SCAPER: variants seen among roughly 807,000 people sequenced by gnomAD.
SCAPER encodes the protein S phase cyclin A-associated protein in the endoplasmic reticulum.
SCAPER carries 98 observed loss-of-function variants against 182.2 expected under a neutral mutation model. That is an observed-to-expected ratio of 0.54 (90% CI 0.46 to 0.64). The LOEUF (loss-of-function observed/expected upper bound fraction) is 0.64. Ranked by LOEUF, SCAPER falls within the 30% of genes least tolerant of loss-of-function variation. SCAPER has a pLI of 0.00. For missense variants in SCAPER, 1,432 were observed against 1,690.0 expected (o/e 0.85, Z 2.68); for synonymous variants, 605 against 564.6 (o/e 1.07, Z -1.01).
chr15:76,671,109 G>A (rs2056982676), intron 20 of SCAPER, among the ~76,000 whole-genome samples: 1 of 152,068 alleles, frequency 6.6e-6, no homozygotes, highest in Non-Finnish European at 1.5e-5. Context: ...GGGAGGCAGA[G>A]GCGGGTGGAT....
At chr15:76,863,050 T>C (rs373241561) in intron 2 of SCAPER, among the ~76,000 whole-genome samples, 1 of 152,192 alleles carries the variant, frequency 6.6e-6, no homozygotes, top group Admixed American at 6.5e-5. Flanking sequence ...AAATTTAAAT[T>C]GCAATTTTTA....
chr15:76,880,852 C>T (rs4541044), intron 2 of SCAPER, among the ~76,000 whole-genome samples: 128,611 of 151,932 alleles, frequency 0.85, 54,649 homozygotes, highest in Middle Eastern at 0.91. Flanking sequence ...TTAAGAAAAA[C>T]GATTACCCAT....
chr15:76,568,330 T>G (rs2145268189), intron 23 of SCAPER, among the ~76,000 whole-genome samples: 1 of 152,040 alleles, frequency 6.6e-6, no homozygotes, highest in Non-Finnish European at 1.5e-5. Context: ...AAAAAGTGTT[T>G]ATACTTGGTA....
At chr15:76,407,512 G>A (rs568936374) in intron 26 of SCAPER, among the ~76,000 whole-genome samples, 3 of 152,108 alleles carry the variant, frequency 2.0e-5, no homozygotes, top group Non-Finnish European at 2.9e-5. Flanking sequence ...TTCAAGCTAA[G>A]GTTCTAAAAG....
At chr15:76,351,410 A>G (rs1308056547) in intron 30 of SCAPER, 122 bp from the exon 31 acceptor site, 1 of 726,024 alleles carries the variant, frequency 1.4e-6, no homozygotes, top group Non-Finnish European at 2.1e-6. Flanking sequence ...TGGGGCCCAA[A>G]TATAAACGCT....
At chr15:76,636,455 A>C (rs1597839525) in intron 21 of SCAPER, among the ~76,000 whole-genome samples, 2 of 147,104 alleles carry the variant, frequency 1.4e-5, no homozygotes, top group Admixed American at 1.4e-4. Context: ...TTTACCTTTA[A>C]ATTAAAAAAA....
In SCAPER at chr15:76,484,472, A is replaced by G. The variant is rs1596941829; in HGVS notation, c.2955-13137T>C. Among the ~76,000 whole-genome samples, 5 of 152,270 alleles carry G rather than the reference A, an allele frequency of 3.3e-5. No individual in the cohort carries two copies. In the East Asian group the frequency reaches 9.6e-4, roughly 29 times the overall value. On this transcript the variant is annotated intron_variant, in intron 24 of 31. Transcript: ENST00000563290. ...AATGGAATCCCTGAACAGACAAATA[A>G]CAAGCTCTGAAACTGAGGCAGTAAT...
chr15:76,666,365 G>C lies in SCAPER; in HGVS notation c.2509-576C>G, dbSNP rs374818844. On this transcript the variant is annotated intron_variant, in intron 20 of 31. Coordinates refer to ENST00000563290, the MANE Select transcript of SCAPER (RefSeq NM_020843.4). ...AGAAAGTGGAATGTGGGTATCCACAGCAAAACTTTGGTTCAGCAAGAGCAC... is the reference window on the plus strand; with the variant it reads ...AGAAAGTGGAATGTGGGTATCCACACCAAAACTTTGGTTCAGCAAGAGCAC... Among the ~76,000 whole-genome samples the C allele has an allele frequency of 3.3e-5, 5 of 152,326 alleles. No homozygotes were observed. The East Asian group carries it at 9.6e-4, about 29-fold the overall frequency.
Position 76,774,923 on chromosome 15 carries a change from T to G in SCAPER, c.967A>C (p.Asn323His), listed in dbSNP as rs750887670. ...TCTTTGGGATGAGATTCTATAGTATTAGAAGTTCCATCTCCAACAAATTGA... is the reference window on the plus strand; with the variant it reads ...TCTTTGGGATGAGATTCTATAGTATGAGAAGTTCCATCTCCAACAAATTGA... ...KGQFVGDGTS[N>H]TIESHPKDSL... The change falls in exon 9 of 32, where the codon AAT becomes CAT. Residue 323 changes from asparagine to histidine, a missense_variant. By Grantham distance (68) the Asn-to-His change is moderately conservative. This residue lies in a region of SCAPER where 480 missense variants were observed against 510.2 expected (regional missense o/e 0.94). Coordinates refer to ENST00000563290, the MANE Select transcript of SCAPER (RefSeq NM_020843.4). 5 of 1,613,726 alleles carry G rather than the reference T, an allele frequency of 3.1e-6. No individual in the cohort carries two copies. Among genetic ancestry groups the G allele is most frequent in the South Asian group, 2.2e-5 (2 of 91,064 alleles).
intron 26 of SCAPER, 87 bp from the exon 27 acceptor site, chr15:76,404,766 C>CCCAA (rs2044707257): frequency 7.5e-7 from 1 of 1,331,992 alleles, no homozygotes; most frequent in African/African-American, 1.5e-5. Context: ...CATACACAGG[C>CCCAA]TTGGACCCCT....
intron 22 of SCAPER, among the ~76,000 whole-genome samples, chr15:76,614,598 GA>G (rs1344425427): frequency 2.0e-5 from 3 of 151,712 alleles, no homozygotes; most frequent in Non-Finnish European, 2.9e-5. Context: ...AGTAGTCAAA[GA>G]AAAATCAGAA....
At chr15:76,782,620 C>T (rs961498840) in intron 8 of SCAPER, among the ~76,000 whole-genome samples, 1 of 152,128 alleles carries the variant, frequency 6.6e-6, no homozygotes, top group African/African-American at 2.4e-5. Context: ...AAACTGACCA[C>T]ATAATTGGAA....
chr15:76,382,049 G>C (rs1054874866), intron 27 of SCAPER, among the ~76,000 whole-genome samples: 6 of 152,278 alleles, frequency 3.9e-5, no homozygotes, highest in Non-Finnish European at 7.4e-5. Context: ...GAAAGCATGA[G>C]GCCTCAAAAA....
intron 24 of SCAPER, among the ~76,000 whole-genome samples, chr15:76,474,610 T>C (rs1184335968): frequency 1.3e-5 from 2 of 152,200 alleles, no homozygotes; most frequent in East Asian, 1.9e-4. Flanking sequence ...ATGCCTGTCA[T>C]GAGAACTGAG....
At chr15:76,795,529 G>A in intron 7 of SCAPER, 89 bp from the exon 8 acceptor site, 1 of 971,672 alleles carries the variant, frequency 1.0e-6, no homozygotes, top group Non-Finnish European at 1.4e-6. Flanking sequence ...TTTAAATTAT[G>A]CATATGAATA....
At chr15:76,881,815 A>G (rs1451063126) in intron 2 of SCAPER, among the ~76,000 whole-genome samples, 2 of 152,356 alleles carry the variant, frequency 1.3e-5, no homozygotes, top group East Asian at 3.9e-4. Context: ...CTGCACAACA[A>G]TATGAATGTA....
At chr15:76,857,726 G>A (rs1332681500) in intron 4 of SCAPER, 83 bp downstream of exon 4, 1 of 922,108 alleles carries the variant, frequency 1.1e-6, no homozygotes, top group East Asian at 2.8e-5. Context: ...TTCAAATCCT[G>A]CAAAATAAGA....
intron 23 of SCAPER, among the ~76,000 whole-genome samples, chr15:76,567,828 C>G (rs2047153068): frequency 6.6e-6 from 1 of 152,048 alleles, no homozygotes; most frequent in African/African-American, 2.4e-5. Context: ...TGTCTTGCTA[C>G]CCTCTTCCTG....
intron 10 of SCAPER, among the ~76,000 whole-genome samples, chr15:76,769,002 G>A (rs778773066): frequency 1.2e-4 from 19 of 152,070 alleles, no homozygotes; most frequent in Non-Finnish European, 2.6e-4. Flanking sequence ...AAGAAGTCAA[G>A]CAAAGCTTAC....
Sources: allele counts gnomAD v4.1 joint callset (sites outside exome capture counted in the v4.1 genomes callset), GRCh38; gene constraint gnomAD v4.1.1; regional missense constraint gnomAD v4.1.1; transcripts MANE v1.5; gene names NCBI Gene and HGNC (gene_info 2026-07-23, HGNC 2026-07-21).